Variants in VRTN observed in about 807,000 individuals in gnomAD.
The protein encoded by VRTN is vertebrae development associated.
VRTN carries 5 observed loss-of-function variants against 18.2 expected under a neutral mutation model. The ratio of observed to expected loss-of-function variants is 0.27; its 90% confidence interval spans 0.14 to 0.58. The LOEUF is 0.58. Among genes scored for constraint, VRTN ranks in the 20% least tolerant of loss-of-function variants. The pLI is 0.91. For missense variants in VRTN, 741 were observed against 939.4 expected, an observed-to-expected ratio of 0.79 and a Z score of 2.76; for synonymous variants, 381 against 393.7, an observed-to-expected ratio of 0.97 and a Z score of 0.38.
Position 74,357,154 on chromosome 14 carries a change from T to C in VRTN, c.371T>C (p.Ile124Thr). The change falls in exon 2 of 2, where the codon ATC becomes ACC. Residue 124 changes from isoleucine to threonine, a missense_variant. Physicochemically the swap from Ile to Thr is moderately conservative, Grantham distance 89. Transcript: ENST00000256362. This position sits in a 1 kb window ranked among gnomAD's most constrained non-coding sequence, Gnocchi z 7.8. ...LHRHYYLQGMIDSKVMLQAVR... is the reference protein window; with the variant it reads ...LHRHYYLQGMTDSKVMLQAVR... ...AGACACTACTACCTCCAGGGCATGA[T>C]CGACTCCAAAGTGATGCTGCAGGCC... The C allele has an allele frequency of 6.3e-7, 1 of 1,598,218 alleles. No homozygotes were observed.
At chr14:74,324,164 G>A (rs976818064) in intron 1 of VRTN, among the ~76,000 whole-genome samples, 13 of 151,040 alleles carry the variant, frequency 8.6e-5, no homozygotes, top group Admixed American at 5.9e-4. Context: ...CGAGGCAGGC[G>A]GATCATGAGG....
chr14:74,316,604 C>A, intron 1 of VRTN, among the ~76,000 whole-genome samples: 1 of 150,896 alleles, frequency 6.6e-6, no homozygotes, highest in Admixed American at 6.6e-5. Flanking sequence ...GCAAAGGGAA[C>A]AGCAAATGCA....
In VRTN at chr14:74,357,392, C is replaced by A; in HGVS notation, c.609C>A (p.Asn203Lys). 6.2e-7 allele frequency: 1 copy of A among 1,613,484 alleles called. No individual in the cohort carries two copies. Among genetic ancestry groups the A allele is most frequent in the Non-Finnish European group, 8.5e-7 (1 of 1,180,032 alleles). The change falls in exon 2 of 2, where the codon AAC (asparagine) becomes AAA (lysine). Residue 203 changes from asparagine (N) to lysine (K), a missense_variant. Around this residue, in one of 3 missense-constraint regions of VRTN, gnomAD observed 186 missense variants for 288.3 expected, o/e 0.65. Coordinates refer to ENST00000256362, the MANE Select transcript of VRTN (RefSeq NM_018228.3). The surrounding 1 kb of genome is among the most constrained non-coding windows in gnomAD (Gnocchi z 7.8). ...MRNLKIRPYF[N>K]RVIRPRRCDH... is the part of the protein sequence containing the mutation. Reference sequence around the variant, plus strand: ...ACCTCAAGATCCGGCCCTACTTCAACCGTGTCATCCGGCCCCGCCGCTGCG... The same window carrying A: ...ACCTCAAGATCCGGCCCTACTTCAAACGTGTCATCCGGCCCCGCCGCTGCG...
At chr14:74,332,202 T>A (rs1232223098) in intron 1 of VRTN, among the ~76,000 whole-genome samples, 1 of 152,038 alleles carries the variant, frequency 6.6e-6, no homozygotes, top group Admixed American at 6.6e-5. Context: ...CCAAACCTAC[T>A]CACTCCCAAT....
At chr14:74,330,483 C>T (rs1284302029) in intron 1 of VRTN, among the ~76,000 whole-genome samples, 3 of 150,456 alleles carry the variant, frequency 2.0e-5, no homozygotes, top group Non-Finnish European at 4.4e-5. Context: ...CTCTTGTTGC[C>T]CAGGCTGGAG....
chr14:74,339,011 C>A (rs1023009537), intron 2 of VRTN, among the ~76,000 whole-genome samples: 1 of 152,012 alleles, frequency 6.6e-6, no homozygotes, highest in Non-Finnish European at 1.5e-5. Context: ...AAGAGTGAGC[C>A]ACTGTGCCAA....
chr14:74,344,750 A>AAAAAAAAAAAAAAAAAAAAAAAAAGT (rs1410658975), upstream of VRTN, among the ~76,000 whole-genome samples: 2 of 128,056 alleles, frequency 1.6e-5, no homozygotes, highest in African/African-American at 3.1e-5. Context: ...AAAAAAAATG[A>AAAAAAAAAAAAAAAAAAAAAAAAAGT]AAAAAAGAAA....
chr14:74,337,240 A>G (rs2085571189), intron 1 of VRTN, among the ~76,000 whole-genome samples: 1 of 151,994 alleles, frequency 6.6e-6, no homozygotes, highest in East Asian at 1.9e-4. Flanking sequence ...CTATTCGGGA[A>G]GCTGAGGCAG....
chr14:74,325,748 C>T (rs977528115), intron 1 of VRTN, among the ~76,000 whole-genome samples: 5 of 151,960 alleles, frequency 3.3e-5, no homozygotes, highest in African/African-American at 1.2e-4. Context: ...CCAGCCTGGG[C>T]AACAGAGTGA....
Position 74,356,816 on chromosome 14 carries a change from G to T in VRTN, c.33G>T (p.Val11=). MTSRNQLVQK[V]LQELQEAVEC... ...CTCGGAACCAGCTGGTGCAGAAGGT[G>T]CTGCAGGAGCTGCAGGAAGCAGTGG... is the stretch of plus-strand genomic sequence containing the variant. The change falls in exon 2 of 2, where the codon GTG becomes GTT. Residue 11 remains valine, a synonymous_variant. Coordinates refer to ENST00000256362, the MANE Select transcript of VRTN (RefSeq NM_018228.3). The T allele has an allele frequency of 1.9e-6, 3 of 1,607,632 alleles. No homozygotes were observed.
At chr14:74,322,795 A>G (rs568797423) in intron 1 of VRTN, among the ~76,000 whole-genome samples, 1 of 152,270 alleles carries the variant, frequency 6.6e-6, no homozygotes, top group East Asian at 1.9e-4. Context: ...CAAACAATAA[A>G]TATCTGTCAG....
intron 1 of VRTN, among the ~76,000 whole-genome samples, chr14:74,317,558 T>G (rs2085425756): frequency 6.6e-6 from 1 of 152,082 alleles, no homozygotes; most frequent in Non-Finnish European, 1.5e-5. Context: ...TACCAGCGCT[T>G]TGGGAGGCCA....
chr14:74,305,927 A>C (rs1421582242), intron 1 of VRTN: 1 of 152,068 alleles, frequency 6.6e-6, no homozygotes, highest in East Asian at 1.9e-4. Context: ...TGAGCCACCA[A>C]GCCGGGCCAG....
At chr14:74,326,211 G>A (rs762318615) in intron 1 of VRTN, among the ~76,000 whole-genome samples, 3 of 152,088 alleles carry the variant, frequency 2.0e-5, no homozygotes, top group African/African-American at 7.2e-5. Flanking sequence ...TTTGGAGAAG[G>A]CCCTGGAAGC....
At position 74,358,069 on chromosome 14, in the gene VRTN, C is replaced by T; in HGVS notation, c.1286C>T (p.Pro429Leu). 1 of 1,614,254 alleles carries T rather than the reference C, an allele frequency of 6.2e-7. No homozygotes were observed. The highest frequency in any genetic ancestry group is 8.5e-7 in the Non-Finnish European group (1 of 1,180,034). The change falls in exon 2 of 2, where the codon CCT becomes CTT. Residue 429 changes from proline to leucine, a missense_variant. Physicochemically the swap from Pro to Leu is moderately conservative, Grantham distance 98. This residue lies in a region of VRTN where 494 missense variants were observed against 546.5 expected (regional missense o/e 0.90). Coordinates refer to ENST00000256362, the MANE Select transcript of VRTN (RefSeq NM_018228.3). This position sits in a 1 kb window ranked among gnomAD's most constrained non-coding sequence, Gnocchi z 5.4. ...TATCGCTGCTTCAAACGCAGGTTCC[C>T]TGGCATCTCACGGTCCACTTATTAT... ...VPYRCFKRRF[P>L]GISRSTYYNW...
chr14:74,321,730 C>G (rs2085457142), intron 1 of VRTN, among the ~76,000 whole-genome samples: 1 of 151,212 alleles, frequency 6.6e-6, no homozygotes, highest in Non-Finnish European at 1.5e-5. Flanking sequence ...TCTCGAACTC[C>G]TGACCTCAGG....
intron 1 of VRTN, among the ~76,000 whole-genome samples, chr14:74,317,812 C>CA (rs1555410458): frequency 2.0e-5 from 3 of 150,918 alleles, no homozygotes; most frequent in South Asian, 2.1e-4. Context: ...CAAAGAAAAA[C>CA]AAAAAAACAA....
intron 1 of VRTN, among the ~76,000 whole-genome samples, chr14:74,310,214 A>G (rs1044105814): frequency 2.0e-5 from 3 of 151,972 alleles, no homozygotes; most frequent in African/African-American, 7.2e-5. Flanking sequence ...CCTGACCAAC[A>G]TGGAGAAACC....
chr14:74,337,431 T>C lies in VRTN; in HGVS notation c.-163-292T>C, dbSNP rs143569316. The stretch of plus-strand genomic sequence containing the variant: ...GGAAACTAATAAAGGTGGTTGCCAG[T>C]GTGTGGTAATGGGGGATGAAAGGAG... On this transcript the variant is annotated intron_variant, in intron 1 of 2. Coordinates refer to the VRTN transcript ENST00000557177. Among the ~76,000 whole-genome samples the C allele has an allele frequency of 1.1e-3, 174 of 151,566 alleles. 2 individuals carry two copies. Among genetic ancestry groups the C allele is most frequent in the African/African-American group, 3.9e-3 (162 of 41,336 alleles).
Sources: gnomAD v4.1 joint callset for allele counts (sites outside exome capture counted in the v4.1 genomes callset) on GRCh38, gnomAD v4.1.1 for gene constraint, gnomAD v4.1.1 regional missense constraint, Gnocchi (gnomAD v3.1) non-coding constraint, MANE v1.5 for transcripts, NCBI Gene and HGNC (gene_info 2026-07-23, HGNC 2026-07-21) for gene names.